PCDHGA7: variants seen among roughly 807,000 people sequenced by gnomAD.
The protein encoded by PCDHGA7 is protocadherin gamma subfamily A, 7, also known as protocadherin gamma-A7.
Under a neutral mutation model 58.3 loss-of-function variants are expected in PCDHGA7, and 44 were observed. The observed-to-expected ratio is 0.75, with a 90% CI of 0.59 to 0.97. PCDHGA7 has a LOEUF of 0.97. Ranked by LOEUF, PCDHGA7 falls within the 50% of genes least tolerant of loss-of-function variation. The pLI, the probability that PCDHGA7 is intolerant of heterozygous loss-of-function variation, is 0.00. For synonymous variants in PCDHGA7, 516 were observed against 504.2 expected (o/e 1.02, Z -0.31); for missense variants, 1,266 against 1,188.7 (o/e 1.06, Z -0.96).
rs147783721 is a variant in PCDHGA7 at position 141,404,989 on chromosome 5, G to T, written c.2424+19666G>T. ...TCCTGGCTGACCTGGGCAGTCTTCAGATCCCTGCAGACCTGGAGGCCTCAG... is the reference window on the plus strand; with the variant it reads ...TCCTGGCTGACCTGGGCAGTCTTCATATCCCTGCAGACCTGGAGGCCTCAG... On this transcript the variant is annotated intron_variant, in intron 1 of 3. Transcript: ENST00000518325. 1.6e-5 allele frequency: 26 copies of T among 1,614,046 alleles called. No individual in the cohort carries two copies. In the Admixed American group the frequency reaches 4.0e-4, roughly 25 times the overall value.
At position 141,403,374 on chromosome 5, in the gene PCDHGA7, A is replaced by G. The variant is rs1448394920; in HGVS notation, c.2424+18051A>G. 3.1e-6 allele frequency: 5 copies of G among 1,613,936 alleles called. No individual in the cohort carries two copies. The African/African-American group carries it at 6.7e-5, about 22-fold the overall frequency. ...TTCCAGGCCGAAAGTCTGGAAGTAA[A>G]AATTAACGAAATCGCGGTTCCTGGA... On this transcript the variant is annotated intron_variant, in intron 1 of 3. Transcript: ENST00000518325.
intron 1 of PCDHGA7, among the ~76,000 whole-genome samples, chr5:141,480,959 C>A (rs1476891394): frequency 1.3e-5 from 2 of 152,086 alleles, no homozygotes; most frequent in East Asian, 3.8e-4. Flanking sequence ...GCGGAAGCAT[C>A]AGTGAGGGAG....
At chr5:141,404,211 T>G in intron 1 of PCDHGA7, 1 of 1,613,724 alleles carries the variant, frequency 6.2e-7, no homozygotes, top group East Asian at 2.2e-5. Context: ...GAATATAATA[T>G]CACGGTGACT....
chr5:141,400,028 C>T (rs2093943957), intron 1 of PCDHGA7: 1 of 1,613,054 alleles, frequency 6.2e-7, no homozygotes. Context: ...AGGGACGCGG[C>T]CCGCCAGCGC....
chr5:141,444,472 C>A (rs559334960), intron 1 of PCDHGA7, among the ~76,000 whole-genome samples: 2 of 151,850 alleles, frequency 1.3e-5, no homozygotes, highest in Non-Finnish European at 2.9e-5. Context: ...CGCCCGGTCG[C>A]GTACTGGATT....
intron 1 of PCDHGA7, chr5:141,428,444 T>C (rs2097139811): frequency 5.3e-6 from 2 of 379,264 alleles, no homozygotes; most frequent in Non-Finnish European, 1.0e-5. Context: ...AGACCAGGGG[T>C]TTTTCCCAAC....
chr5:141,473,857 G>A (rs981688765), intron 1 of PCDHGA7, among the ~76,000 whole-genome samples: 1 of 152,164 alleles, frequency 6.6e-6, no homozygotes, highest in Non-Finnish European at 1.5e-5. Context: ...GATGAACCTC[G>A]CTATTGTGGA....
chr5:141,387,949 T>C lies in PCDHGA7; in HGVS notation c.2424+2626T>C, dbSNP rs1016295879. The C allele has an allele frequency of 1.6e-5, 24 of 1,491,992 alleles. No individual in the cohort carries two copies. Among genetic ancestry groups the C allele is most frequent in the Non-Finnish European group, 2.1e-5 (23 of 1,116,382 alleles). 92.4% of individuals were successfully genotyped at this position (1,491,992 alleles called of 1,614,324 possible). On this transcript the variant is annotated intron_variant, in intron 1 of 3. Transcript: ENST00000518325. ...CTGCCAGTGCTCTTTCTCTTCCTGC[T>C]GTCTTTGTTCTGCCCGGCGCTCTGT...
At chr5:141,389,337 G>T (rs756804360) in intron 1 of PCDHGA7, 7 of 1,614,014 alleles carry the variant, frequency 4.3e-6, no homozygotes, top group Non-Finnish European at 5.9e-6. Flanking sequence ...CAACGGCCAA[G>T]TCTCTTACTG....
At chr5:141,404,252 A>G (rs2094504105) in intron 1 of PCDHGA7, 8 of 1,613,986 alleles carry the variant, frequency 5.0e-6, no homozygotes, top group South Asian at 1.1e-5. Context: ...GCCCCTGTCC[A>G]CAGAAATTCA....
intron 1 of PCDHGA7, chr5:141,400,209 G>A: frequency 6.2e-7 from 1 of 1,614,052 alleles, no homozygotes; most frequent in South Asian, 1.1e-5. Context: ...CCTTGGCCTT[G>A]ATCTCAGTGC....
At position 141,510,947 on chromosome 5, in the gene PCDHGA7, A is replaced by C; in HGVS notation, c.2573A>C (p.Glu858Ala). Residue 858 changes from glutamate to alanine, a missense_variant and splice_region_variant, in exon 4 of 4, where the codon GAA (glutamate) becomes GCA (alanine). By Grantham distance (107) the Glu-to-Ala change is moderately radical. Transcript: ENST00000518325. ...ACCTGATCTTCCTCTGTCTCTGCAG[A>C]AGCTGCTGATGGGAGCTCCACCCTG... ...LQAMILASAS[E>A]AADGSSTLGG... The C allele has an allele frequency of 6.2e-7, 1 of 1,614,084 alleles. No individual in the cohort carries two copies. Among genetic ancestry groups the C allele is most frequent in the Non-Finnish European group, 8.5e-7 (1 of 1,180,000 alleles).
At position 141,505,425 on chromosome 5, in the gene PCDHGA7, C is replaced by G; in HGVS notation, c.2516C>G (p.Pro839Arg). 1 of 1,614,178 alleles carries G rather than the reference C, an allele frequency of 6.2e-7. No individual in the cohort carries two copies. Among genetic ancestry groups the G allele is most frequent in the Non-Finnish European group, 8.5e-7 (1 of 1,180,014 alleles). ...SQNGDDTGTW[P>R]NNQFDTEMLQ... ...AATGGCGATGACACCGGCACCTGGC[C>G]CAACAACCAGTTTGACACAGAGATG... The change falls in exon 3 of 4, where the codon CCC becomes CGC. Residue 839 changes from proline to arginine, a missense_variant. Transcript: ENST00000518325.
rs71583649 is a variant in PCDHGA7, at chr5:141,491,361, C to A, written c.2425-3446C>A. On this transcript the variant is annotated intron_variant, in intron 1 of 3. Transcript: ENST00000518325. The surrounding 1 kb of genome is among the most constrained non-coding windows in gnomAD (Gnocchi z 6.9). The stretch of plus-strand genomic sequence containing the variant: ...CGACCGTCAGTCTCTTATCCCTAGT[C>A]ACCTTCACCTTTCTGTCAGCGAAGT... 1.0e-3 allele frequency: 1,614 copies of A among 1,614,132 alleles called. 5 individuals carry two copies. The highest frequency in any genetic ancestry group is 5.1e-3 in the Middle Eastern group (31 of 6,062).
At position 141,486,364 on chromosome 5, in the gene PCDHGA7, C is replaced by T; in HGVS notation, c.2425-8443C>T. 1 of 1,614,068 alleles carries T rather than the reference C, an allele frequency of 6.2e-7. No homozygotes were observed. The highest frequency in any genetic ancestry group is 1.1e-5 in the South Asian group (1 of 91,074). On this transcript the variant is annotated intron_variant, in intron 1 of 3. Transcript: ENST00000518325. The surrounding 1 kb of genome is among the most constrained non-coding windows in gnomAD (Gnocchi z 5.0). ...TTCCTGACCACTTGCCATTTGCCCT[C>T]AAGTCTGCCTTCAGGAACCAGTTCT...
intron 1 of PCDHGA7, chr5:141,414,797 G>A: frequency 6.2e-7 from 1 of 1,614,230 alleles, no homozygotes. Context: ...GCCAGCGACA[G>A]CGGGGATCCT....
chr5:141,481,065 AAAAG>A (rs1476331686), intron 1 of PCDHGA7, among the ~76,000 whole-genome samples: 1 of 152,164 alleles, frequency 6.6e-6, no homozygotes, highest in Non-Finnish European at 1.5e-5. Flanking sequence ...CTCAAAAACA[AAAAG>A]AAAGAAAGAA....
At position 141,384,384 on chromosome 5, in the gene PCDHGA7, C is replaced by G; in HGVS notation, c.1485C>G (p.Thr495=). The G allele has an allele frequency of 6.2e-7, 1 of 1,613,934 alleles. No homozygotes were observed. The highest frequency in any genetic ancestry group is 1.3e-5 in the African/African-American group (1 of 75,064). Residue 495 remains threonine (T), a synonymous_variant, in exon 1 of 4, where the codon ACC becomes ACG. Coordinates refer to ENST00000518325, the MANE Select transcript of PCDHGA7 (RefSeq NM_018920.4). ...AQITYSLAED[T]IQGAPVSSYV... is the part of the protein sequence containing the mutation. ...TCACTTATTCCTTGGCCGAAGACAC[C>G]ATCCAGGGGGCTCCAGTGTCCTCCT... is the stretch of plus-strand genomic sequence containing the variant.
At chr5:141,449,737 A>T (rs1174103155) in intron 1 of PCDHGA7, among the ~76,000 whole-genome samples, 3 of 151,666 alleles carry the variant, frequency 2.0e-5, no homozygotes, top group Non-Finnish European at 4.4e-5. Flanking sequence ...TTTTTATGAC[A>T]TGATTATTTT....
Sources: allele counts gnomAD v4.1 joint callset (sites outside exome capture counted in the v4.1 genomes callset), GRCh38; gene constraint gnomAD v4.1.1; non-coding constraint Gnocchi (gnomAD v3.1); transcripts MANE v1.5; gene names NCBI Gene and HGNC (gene_info 2026-07-23, HGNC 2026-07-21).